ANKRD27: variants seen among roughly 807,000 people sequenced by gnomAD.
The protein encoded by ANKRD27 is ankyrin repeat domain 27, also known as ankyrin repeat domain-containing protein 27.
A neutral mutation model predicts 129.7 loss-of-function variants in ANKRD27; 112 were observed. That is an observed-to-expected ratio of 0.86 (90% confidence interval 0.74 to 1.01). The LOEUF (loss-of-function observed/expected upper bound fraction) is 1.01. ANKRD27 is among the 50% of genes least tolerant of loss of function. ANKRD27 has a pLI of 0.00. For missense variants in ANKRD27, 1,258 were observed against 1,300.5 expected (o/e 0.97, Z 0.50); for synonymous variants, 516 against 511.2 (o/e 1.01, Z -0.13).
intron 18 of ANKRD27, among the ~76,000 whole-genome samples, chr19:32,621,731 G>T (rs1038949585): frequency 6.6e-6 from 1 of 152,202 alleles, no homozygotes; most frequent in African/African-American, 2.4e-5. Flanking sequence ...TCCCTCAGGG[G>T]AGCCTCAGCT....
At chr19:32,623,551 G>GC (rs1471857870) in intron 17 of ANKRD27, among the ~76,000 whole-genome samples, 6 of 135,708 alleles carry the variant, frequency 4.4e-5, no homozygotes, top group Non-Finnish European at 9.6e-5. Context: ...GAGACCTGTT[G>GC]TTTTTTTTTT....
chr19:32,630,391 T>C (rs1235810037), intron 13 of ANKRD27, among the ~76,000 whole-genome samples: 5 of 152,190 alleles, frequency 3.3e-5, no homozygotes, highest in Non-Finnish European at 1.5e-5. Flanking sequence ...GCTGCCCCCA[T>C]GTGCCAGGTG....
chr19:32,627,332 TTA>T (rs1357113690), intron 15 of ANKRD27, among the ~76,000 whole-genome samples: 10 of 151,960 alleles, frequency 6.6e-5, no homozygotes, highest in African/African-American at 2.2e-4. Flanking sequence ...CTGGAGGACC[TTA>T]TGTTTTCTAT....
intron 20 of ANKRD27, 74 bp from the exon 21 acceptor site, chr19:32,617,707 C>A: frequency 1.6e-6 from 1 of 608,520 alleles, no homozygotes; most frequent in Non-Finnish European, 3.0e-6. Flanking sequence ...TATAAACATT[C>A]TGAAAATCTA....
In ANKRD27 at chr19:32,626,837, A is replaced by G; in HGVS notation, c.1421-10T>C. 2 of 1,597,286 alleles carry G rather than the reference A, an allele frequency of 1.3e-6. No homozygotes were observed. The highest frequency in any genetic ancestry group is 1.7e-6 in the Non-Finnish European group (2 of 1,169,774). ...ATGAGGGATGCCTGCCCTGCAGAGCAGAAGGACGTCACGATGGAGAAGGAA... is the reference window on the plus strand; with the variant it reads ...ATGAGGGATGCCTGCCCTGCAGAGCGGAAGGACGTCACGATGGAGAAGGAA... On this transcript the variant is annotated splice_polypyrimidine_tract_variant and intron_variant, in intron 15 of 28. Transcript: ENST00000306065.
At chr19:32,602,895 T>A (rs1247066125) in intron 25 of ANKRD27, among the ~76,000 whole-genome samples, 1 of 151,496 alleles carries the variant, frequency 6.6e-6, no homozygotes, top group African/African-American at 2.4e-5. Flanking sequence ...TCTCAAAAAA[T>A]AATAATAATA....
At chr19:32,626,015 G>A in intron 16 of ANKRD27, 49 bp from the exon 17 acceptor site, 2 of 1,496,528 alleles carry the variant, frequency 1.3e-6, no homozygotes, top group Non-Finnish European at 1.8e-6. Context: ...GGCTCCCTGG[G>A]AGGCCCGGCC....
intron 1 of ANKRD27, among the ~76,000 whole-genome samples, chr19:32,659,379 A>ACCTG (rs1174773600): frequency 2.0e-5 from 3 of 151,960 alleles, no homozygotes; most frequent in Non-Finnish European, 2.9e-5. Flanking sequence ...GTCACACCCG[A>ACCTG]CCTGCATCTG....
intron 2 of ANKRD27, among the ~76,000 whole-genome samples, chr19:32,650,169 G>C (rs898682838): frequency 6.6e-6 from 1 of 152,146 alleles, no homozygotes; most frequent in African/African-American, 2.4e-5. Context: ...AAGGACCCAG[G>C]GGCTCAGGGA....
At chr19:32,615,931 T>C in intron 21 of ANKRD27, 151 bp from the exon 22 acceptor site, 1 of 1,018,518 alleles carries the variant, frequency 9.8e-7, no homozygotes, top group Non-Finnish European at 1.4e-6. Context: ...TGCTCCCTCA[T>C]GAAGCCTTCC....
chr19:32,642,343 GT>G (rs1402581630), intron 9 of ANKRD27, among the ~76,000 whole-genome samples, 198 bp from the exon 10 acceptor site: 3 of 151,788 alleles, frequency 2.0e-5, no homozygotes, highest in African/African-American at 7.3e-5. Context: ...AGGCTGCCAG[GT>G]GATAGAGTTG....
Position 32,614,175 on chromosome 19 carries a change from C to T in ANKRD27, c.2175+1483G>A, listed in dbSNP as rs1231834831. 6.6e-5 allele frequency among the ~76,000 whole-genome samples: 10 copies of T among 152,088 alleles called. No homozygotes were observed. The East Asian group carries it at 7.7e-4, about 12-fold the overall frequency. ...GCTTTCCGGTGACAGACACATGCTG[C>T]GTCTTGATGGTGGTGATGGCTTCAC... On this transcript the variant is annotated intron_variant, in intron 22 of 28. Coordinates refer to ENST00000306065, the MANE Select transcript of ANKRD27 (RefSeq NM_032139.3).
chr19:32,625,785 G>T (rs932124639), intron 17 of ANKRD27, 89 bp downstream of exon 17: 2 of 1,128,524 alleles, frequency 1.8e-6, no homozygotes, highest in South Asian at 1.8e-5. Context: ...AATAATTATC[G>T]ACACAAAATA....
At chr19:32,674,755 G>A (rs1010182358) in intron 1 of ANKRD27, among the ~76,000 whole-genome samples, 12 of 151,796 alleles carry the variant, frequency 7.9e-5, no homozygotes, top group Non-Finnish European at 1.5e-4. Flanking sequence ...CCGAACCGCC[G>A]GACCCGGCAC....
chr19:32,631,729 C>T (rs1966996935), intron 12 of ANKRD27, among the ~76,000 whole-genome samples: 1 of 152,170 alleles, frequency 6.6e-6, no homozygotes, highest in Non-Finnish European at 1.5e-5. Context: ...ATGGTGGCGG[C>T]ACCCTGACTG....
chr19:32,628,710 G>A lies in ANKRD27; in HGVS notation c.1337+12C>T. 1 of 1,613,386 alleles carries A rather than the reference G, an allele frequency of 6.2e-7. No homozygotes were observed. Among genetic ancestry groups the A allele is most frequent in the Non-Finnish European group, 8.5e-7 (1 of 1,179,584 alleles). ...TTCCTGGCACTCTGAGCCTCCACCAGCACCCTCTTACCCAGAGACGAGTTT... is the reference window on the plus strand; with the variant it reads ...TTCCTGGCACTCTGAGCCTCCACCAACACCCTCTTACCCAGAGACGAGTTT... On this transcript the variant is annotated intron_variant, in intron 14 of 28. Transcript: ENST00000306065.
At position 32,673,286 on chromosome 19, in the gene ANKRD27, C is replaced by A. The variant is rs1354555309; in HGVS notation, c.-31+1785G>T. On this transcript the variant is annotated intron_variant, in intron 1 of 28. Coordinates refer to ENST00000306065, the MANE Select transcript of ANKRD27 (RefSeq NM_032139.3). ...CCCAGGTGCATTCCTGTCCCTATGG[C>A]TGGTCAGAAGAAGTCTCTGCTCCTG... 8.1e-6 allele frequency: 8 copies of A among 985,348 alleles called. No individual in the cohort carries two copies. In the African/African-American group the frequency reaches 1.4e-4, roughly 17 times the overall value. 61.0% of individuals were successfully genotyped at this position (985,348 alleles called of 1,614,324 possible).
chr19:32,668,815 T>C (rs1599779805), intron 1 of ANKRD27, among the ~76,000 whole-genome samples: 1 of 151,536 alleles, frequency 6.6e-6, no homozygotes. Flanking sequence ...CTGCCTCAGC[T>C]CCCCCTAAGT....
intron 13 of ANKRD27, 76 bp from the exon 14 acceptor site, chr19:32,628,925 T>C: frequency 1.9e-6 from 3 of 1,541,986 alleles, no homozygotes; most frequent in Admixed American, 1.7e-5. Flanking sequence ...TTGAGAGTCC[T>C]TTTTGGTTTT....
Sources: allele counts gnomAD v4.1 joint callset (sites outside exome capture counted in the v4.1 genomes callset), GRCh38; gene constraint gnomAD v4.1.1; transcripts MANE v1.5; gene names NCBI Gene and HGNC (gene_info 2026-07-23, HGNC 2026-07-21).